DDX10: variants seen among roughly 807,000 people sequenced by gnomAD.
DDX10 encodes the protein probable ATP-dependent RNA helicase DDX10.
In DDX10, 74 loss-of-function variants were observed where a neutral mutation model predicts 104.3. That is an observed-to-expected ratio of 0.71 (90% CI 0.59 to 0.86). DDX10 has a LOEUF of 0.86. Ranked by LOEUF, DDX10 falls within the 40% of genes least tolerant of loss-of-function variation. DDX10 has a pLI of 0.00. For synonymous variants in DDX10, 351 were observed against 353.4 expected (o/e 0.99, Z 0.08); for missense variants, 952 against 1,040.0 (o/e 0.92, Z 1.16).
intron 13 of DDX10, among the ~76,000 whole-genome samples, chr11:108,806,617 AGT>A (rs1280267022): frequency 1.3e-5 from 2 of 152,212 alleles, no homozygotes; most frequent in African/African-American, 4.8e-5. Context: ...GGAAATAAGC[AGT>A]GTGCTGTAAC....
intron 13 of DDX10, among the ~76,000 whole-genome samples, chr11:108,825,486 G>C (rs1474278987): frequency 6.6e-6 from 1 of 152,186 alleles, no homozygotes. Context: ...CGTATTGGCA[G>C]TATCAATAGA....
chr11:108,836,076 G>C (rs1359039261), intron 13 of DDX10, among the ~76,000 whole-genome samples: 1 of 152,280 alleles, frequency 6.6e-6, no homozygotes, highest in Admixed American at 6.5e-5. Flanking sequence ...GCAGGAATTA[G>C]CCTTAAGTTT....
intron 10 of DDX10, among the ~76,000 whole-genome samples, chr11:108,708,631 A>G (rs2094279940): frequency 6.7e-6 from 1 of 150,096 alleles, no homozygotes; most frequent in South Asian, 2.1e-4. Context: ...GCAGTCTTGC[A>G]ATCTTGGCTC....
chr11:108,682,040 C>T (rs1176160524), intron 6 of DDX10, among the ~76,000 whole-genome samples: 3 of 152,182 alleles, frequency 2.0e-5, no homozygotes, highest in East Asian at 1.9e-4. Context: ...AAACACTTCC[C>T]TACTCCCGGT....
intron 13 of DDX10, among the ~76,000 whole-genome samples, chr11:108,830,638 G>A (rs1862456964): frequency 6.6e-6 from 1 of 152,074 alleles, no homozygotes; most frequent in Non-Finnish European, 1.5e-5. Flanking sequence ...TCTCAGGGGG[G>A]GAATGCTTTC....
intron 13 of DDX10, among the ~76,000 whole-genome samples, chr11:108,788,508 A>G (rs1387133939): frequency 6.6e-6 from 1 of 152,026 alleles, no homozygotes; most frequent in Non-Finnish European, 1.5e-5. Context: ...GATTACAGGT[A>G]TGCGCCACCA....
At chr11:108,722,913 C>T in intron 12 of DDX10, 84 bp from the exon 13 acceptor site, 1 of 1,468,052 alleles carries the variant, frequency 6.8e-7, no homozygotes, top group Non-Finnish European at 9.0e-7. Flanking sequence ...CTAGGAATCT[C>T]TGCTCTTGAG....
intron 13 of DDX10, among the ~76,000 whole-genome samples, chr11:108,765,015 T>G (rs1003768192): frequency 3.3e-5 from 5 of 152,238 alleles, no homozygotes; most frequent in African/African-American, 1.2e-4. Flanking sequence ...ATTTATTTCT[T>G]TGTTTTAACT....
intron 13 of DDX10, among the ~76,000 whole-genome samples, chr11:108,832,612 T>G (rs911227537): frequency 1.3e-5 from 2 of 152,224 alleles, no homozygotes; most frequent in African/African-American, 4.8e-5. Flanking sequence ...CCCGAGGTAC[T>G]CTGTTTCACC....
chr11:108,757,925 T>C (rs1257960129), intron 13 of DDX10, among the ~76,000 whole-genome samples: 1 of 152,068 alleles, frequency 6.6e-6, no homozygotes, highest in Non-Finnish European at 1.5e-5. Context: ...TTCCTTTCTT[T>C]CCACTTCATT....
intron 2 of DDX10, among the ~76,000 whole-genome samples, chr11:108,675,019 G>A (rs927382964): frequency 8.6e-5 from 13 of 151,728 alleles, no homozygotes; most frequent in African/African-American, 3.2e-4. Context: ...TTAACATAAG[G>A]TCCTCCAGGT....
chr11:108,869,197 G>GTTTTT (rs58883084), intron 16 of DDX10, among the ~76,000 whole-genome samples: 2 of 147,868 alleles, frequency 1.4e-5, no homozygotes, highest in Non-Finnish European at 1.5e-5. Flanking sequence ...TAAACCCGTT[G>GTTTTT]TTTTTTTTTT....
At chr11:108,740,614 G>A (rs979021347) in intron 13 of DDX10, among the ~76,000 whole-genome samples, 4 of 152,108 alleles carry the variant, frequency 2.6e-5, no homozygotes, top group Admixed American at 2.0e-4. Context: ...CAGTATATAA[G>A]TGCTCCCTTT....
intron 13 of DDX10, among the ~76,000 whole-genome samples, chr11:108,816,777 C>G (rs1415242965): frequency 6.6e-6 from 1 of 152,160 alleles, no homozygotes; most frequent in Non-Finnish European, 1.5e-5. Flanking sequence ...TGGTCTTGAA[C>G]TCCTGACCTC....
At chr11:108,702,469 G>C (rs2094269855) in intron 9 of DDX10, among the ~76,000 whole-genome samples, 1 of 152,172 alleles carries the variant, frequency 6.6e-6, no homozygotes, top group South Asian at 2.1e-4. Flanking sequence ...GGACAATAGT[G>C]GGAAGGATGA....
intron 16 of DDX10, among the ~76,000 whole-genome samples, chr11:108,903,803 TTTTA>T (rs1488660373): frequency 6.6e-6 from 1 of 152,128 alleles, no homozygotes; most frequent in Non-Finnish European, 1.5e-5. Context: ...GTAGCCCACA[TTTTA>T]TTTATCTAGT....
rs550160638 is a variant in DDX10 at position 108,681,683 on chromosome 11, T to A, written c.848+2123T>A. Reference sequence around the variant, plus strand: ...AAAGTATACTAGTGTTTTCATTATGTGGTTATATATAGACAACTGGTATTT... The same window carrying A: ...AAAGTATACTAGTGTTTTCATTATGAGGTTATATATAGACAACTGGTATTT... On this transcript the variant is annotated intron_variant, in intron 6 of 17. Coordinates refer to ENST00000322536, the MANE Select transcript of DDX10 (RefSeq NM_004398.4). 2.0e-5 allele frequency among the ~76,000 whole-genome samples: 3 copies of A among 152,350 alleles called. No individual in the cohort carries two copies. The East Asian group carries it at 5.8e-4, about 29-fold the overall frequency.
At chr11:108,697,043 A>G (rs753820949) in intron 9 of DDX10, among the ~76,000 whole-genome samples, 3 of 152,188 alleles carry the variant, frequency 2.0e-5, no homozygotes, top group Non-Finnish European at 4.4e-5. Context: ...TTAGAACAAC[A>G]TCACATTATT....
chr11:108,744,894 TG>T (rs1385217598), intron 13 of DDX10, among the ~76,000 whole-genome samples: 1 of 152,118 alleles, frequency 6.6e-6, no homozygotes, highest in African/African-American at 2.4e-5. Flanking sequence ...TGTCTAAGGC[TG>T]TGTTAGATGT....
Sources: gnomAD v4.1 joint callset for allele counts (sites outside exome capture counted in the v4.1 genomes callset) on GRCh38, gnomAD v4.1.1 for gene constraint, MANE v1.5 for transcripts, NCBI Gene and HGNC (gene_info 2026-07-23, HGNC 2026-07-21) for gene names.